The following SEPTIN7 variants were observed in gnomAD, a reference collection of about 807,000 sequenced individuals.
SEPTIN7 encodes septin 7, also known as septin-7.
In SEPTIN7, 10 loss-of-function variants were observed where a neutral mutation model predicts 63.3. That is an observed-to-expected ratio of 0.16 (90% CI 0.10 to 0.27). The LOEUF (loss-of-function observed/expected upper bound fraction) is 0.27. Among genes scored for constraint, SEPTIN7 ranks in the 10% least tolerant of loss-of-function variants. The pLI, the probability that SEPTIN7 is intolerant of heterozygous loss-of-function variation, is 1.00. For synonymous variants in SEPTIN7, 131 were observed against 165.3 expected (o/e 0.79, Z 1.59); for missense variants, 310 against 521.0 (o/e 0.59, Z 3.94).
the SEPTIN7 span, among the ~76,000 whole-genome samples, chr7:35,915,083 ATG>A: frequency 2.0e-5 from 3 of 152,034 alleles, no homozygotes; most frequent in African/African-American, 7.2e-5. Context: ...ATGTACATAT[ATG>A]TATATATGCG....
At chr7:35,896,085 A>T (rs985330980) in intron 11 of SEPTIN7, among the ~76,000 whole-genome samples, 1 of 152,252 alleles carries the variant, frequency 6.6e-6, no homozygotes, top group African/African-American at 2.4e-5. Context: ...CTAGCATTAC[A>T]GGTGTGAACC....
intron 1 of SEPTIN7, among the ~76,000 whole-genome samples, chr7:35,814,966 C>T (rs1788956310): frequency 8.6e-6 from 1 of 116,730 alleles, no homozygotes; most frequent in Admixed American, 9.6e-5. Context: ...CAGAGCGAGA[C>T]TCCTTCTCAA....
intron 3 of SEPTIN7, among the ~76,000 whole-genome samples, chr7:35,845,464 G>A (rs1363811908): frequency 6.6e-6 from 1 of 152,072 alleles, no homozygotes. Flanking sequence ...TAAACATTCG[G>A]GGCAAATGTG....
chr7:35,832,760 T>A, intron 2 of SEPTIN7, 38 bp from the exon 3 acceptor site: 1 of 1,083,728 alleles, frequency 9.2e-7, no homozygotes, highest in Non-Finnish European at 1.4e-6. Context: ...ATAGTACTGT[T>A]GATACATGAA....
intron 1 of SEPTIN7, among the ~76,000 whole-genome samples, chr7:35,812,852 C>A (rs900956309): frequency 1.3e-5 from 2 of 152,156 alleles, no homozygotes; most frequent in African/African-American, 4.8e-5. Context: ...ATAGTATTGG[C>A]TTCTAGAGCT....
intron 3 of SEPTIN7, among the ~76,000 whole-genome samples, chr7:35,841,104 C>A (rs1583544570): frequency 6.6e-6 from 1 of 152,124 alleles, no homozygotes; most frequent in Non-Finnish European, 1.5e-5. Context: ...ACCTGTAATC[C>A]TAGCTACTCA....
At chr7:35,879,705 G>A in intron 6 of SEPTIN7, 118 bp from the exon 7 acceptor site, 1 of 665,448 alleles carries the variant, frequency 1.5e-6, no homozygotes, top group Non-Finnish European at 2.8e-6. Flanking sequence ...TACATCTTCA[G>A]AGTGTTTCTG....
chr7:35,848,656 A>T (rs1431914547), intron 3 of SEPTIN7, among the ~76,000 whole-genome samples: 1 of 152,226 alleles, frequency 6.6e-6, no homozygotes, highest in Non-Finnish European at 1.5e-5. Context: ...AAAAGAACTT[A>T]CAGAAATTTG....
chr7:35,875,369 AC>A (rs1399016425), intron 6 of SEPTIN7, among the ~76,000 whole-genome samples: 29 of 152,306 alleles, frequency 1.9e-4, no homozygotes, highest in Middle Eastern at 3.4e-3. Context: ...AAGGAATATG[AC>A]ACAGAATTTT....
At chr7:35,892,549 T>C (rs756146621) in intron 11 of SEPTIN7, among the ~76,000 whole-genome samples, 1 of 152,192 alleles carries the variant, frequency 6.6e-6, no homozygotes, top group Non-Finnish European at 1.5e-5. Flanking sequence ...TATGTACTTA[T>C]TCAATATATT....
intron 3 of SEPTIN7, among the ~76,000 whole-genome samples, chr7:35,844,532 CACAG>C (rs1320357574): frequency 6.6e-6 from 1 of 152,194 alleles, no homozygotes; most frequent in Non-Finnish European, 1.5e-5. Context: ...CAATTTCTGT[CACAG>C]ACAAGCTGTA....
At chr7:35,878,625 A>G (rs1786627487) in intron 6 of SEPTIN7, among the ~76,000 whole-genome samples, 1 of 152,196 alleles carries the variant, frequency 6.6e-6, no homozygotes, top group African/African-American at 2.4e-5. Flanking sequence ...GACTAAAGTA[A>G]TGGAAATGGA....
At chr7:35,859,641 C>A (rs566540084) in intron 3 of SEPTIN7, among the ~76,000 whole-genome samples, 1 of 152,274 alleles carries the variant, frequency 6.6e-6, no homozygotes, top group East Asian at 1.9e-4. Context: ...ATTAATTCTA[C>A]CAATCTTTGC....
chr7:35,857,255 A>G (rs539084845), intron 3 of SEPTIN7, among the ~76,000 whole-genome samples: 4 of 152,342 alleles, frequency 2.6e-5, no homozygotes, highest in Admixed American at 2.0e-4. Flanking sequence ...AGAGAAACAC[A>G]TTACACAGGA....
At chr7:35,834,555 G>A (rs946314251) in intron 3 of SEPTIN7, among the ~76,000 whole-genome samples, 24 of 151,886 alleles carry the variant, frequency 1.6e-4, no homozygotes, top group Middle Eastern at 3.2e-3. Context: ...AGAAAAATAG[G>A]TGTTAATATC....
intron 13 of SEPTIN7, among the ~76,000 whole-genome samples, chr7:35,903,612 T>C (rs1041623877): frequency 1.3e-5 from 2 of 152,206 alleles, no homozygotes; most frequent in Non-Finnish European, 2.9e-5. Context: ...TGTTGAATTA[T>C]GTTTTTACGA....
intron 10 of SEPTIN7, among the ~76,000 whole-genome samples, chr7:35,887,392 C>T (rs1206551726): frequency 1.3e-5 from 2 of 152,224 alleles, no homozygotes; most frequent in African/African-American, 4.8e-5. Flanking sequence ...CTTTCTTGCC[C>T]AGGCTGGAGT....
intron 3 of SEPTIN7, among the ~76,000 whole-genome samples, chr7:35,835,964 T>C (rs1784063614): frequency 6.6e-6 from 1 of 152,192 alleles, no homozygotes; most frequent in African/African-American, 2.4e-5. Flanking sequence ...AATTGTGCTT[T>C]ATGGATGATA....
intron 3 of SEPTIN7, among the ~76,000 whole-genome samples, chr7:35,846,253 T>C (rs1034634480): frequency 1.3e-5 from 2 of 152,216 alleles, no homozygotes; most frequent in African/African-American, 4.8e-5. Flanking sequence ...AATATTTTTA[T>C]AGGTGTATCA....
Sources: allele counts gnomAD v4.1 joint callset (sites outside exome capture counted in the v4.1 genomes callset), GRCh38; gene constraint gnomAD v4.1.1; transcripts MANE v1.5; gene names NCBI Gene and HGNC (gene_info 2026-07-23, HGNC 2026-07-21).